LMX1A: variants seen among roughly 807,000 people sequenced by gnomAD.
LMX1A encodes the protein LIM homeobox transcription factor 1-alpha.
Under a neutral mutation model 49.1 loss-of-function variants are expected in LMX1A, and 15 were observed. The observed-to-expected ratio is 0.31, with a 90% CI of 0.20 to 0.47. The LOEUF is 0.47. LMX1A is among the 20% of genes least tolerant of loss of function. The pLI is 1.00. For synonymous variants in LMX1A, 167 were observed against 185.7 expected, an observed-to-expected ratio of 0.90 and a Z score of 0.82; for missense variants, 372 against 475.8, an observed-to-expected ratio of 0.78 and a Z score of 2.03.
intron 3 of LMX1A, among the ~76,000 whole-genome samples, chr1:165,271,436 A>G (rs1653790357): frequency 6.6e-6 from 1 of 152,192 alleles, no homozygotes; most frequent in Non-Finnish European, 1.5e-5. Context: ...TAGTTCTCCT[A>G]TTGGTTTAAG....
At chr1:165,263,234 A>G (rs541508471) in intron 3 of LMX1A, among the ~76,000 whole-genome samples, 1 of 152,270 alleles carries the variant, frequency 6.6e-6, no homozygotes, top group South Asian at 2.1e-4. Context: ...TTTGAATCTA[A>G]CTTGTATACC....
At chr1:165,255,967 C>T (rs546796313) in intron 3 of LMX1A, among the ~76,000 whole-genome samples, 158 of 151,074 alleles carry the variant, frequency 1.0e-3, no homozygotes, top group African/African-American at 3.6e-3. Context: ...AGCGAAACTC[C>T]GTCTCAAAAA....
chr1:165,274,425 C>T (rs972753148), intron 3 of LMX1A, among the ~76,000 whole-genome samples: 1 of 152,170 alleles, frequency 6.6e-6, no homozygotes, highest in Non-Finnish European at 1.5e-5. Context: ...ACAGTAGGTA[C>T]TTAATAAATG....
At chr1:165,256,593 C>T (rs1653248786) in intron 3 of LMX1A, among the ~76,000 whole-genome samples, 1 of 152,080 alleles carries the variant, frequency 6.6e-6, no homozygotes, top group African/African-American at 2.4e-5. Flanking sequence ...TATAAAACAG[C>T]TAAAGCCAAA....
chr1:165,304,067 G>T (rs1383093431), intron 3 of LMX1A, among the ~76,000 whole-genome samples: 3 of 152,110 alleles, frequency 2.0e-5, no homozygotes, highest in Non-Finnish European at 2.9e-5. Flanking sequence ...AGTTCTACTG[G>T]TTCTACTGAT....
At chr1:165,340,635 C>G (rs1189631625) in intron 3 of LMX1A, among the ~76,000 whole-genome samples, 1 of 152,182 alleles carries the variant, frequency 6.6e-6, no homozygotes, top group African/African-American at 2.4e-5. Context: ...GACAATGTAT[C>G]CCAAAGCTTT....
chr1:165,286,329 T>C lies in LMX1A; in HGVS notation c.264-36689A>G, dbSNP rs1342492785. Among the ~76,000 whole-genome samples the C allele has an allele frequency of 3.3e-5, 5 of 152,314 alleles. No individual in the cohort carries two copies. In the East Asian group the frequency reaches 9.7e-4, roughly 29 times the overall value. On this transcript the variant is annotated intron_variant, in intron 3 of 8. Coordinates refer to ENST00000342310, the MANE Select transcript of LMX1A (RefSeq NM_177398.4). ...TGGATCTGTGCAGGAAGTGCCCTGATAGACTGCAGAAATCCCACCTGAAAG... is the reference window on the plus strand; with the variant it reads ...TGGATCTGTGCAGGAAGTGCCCTGACAGACTGCAGAAATCCCACCTGAAAG...
At chr1:165,239,068 G>GAA (rs1372263538) in intron 4 of LMX1A, among the ~76,000 whole-genome samples, 192 of 1,210 alleles carry the variant, frequency 0.16, no homozygotes, top group Non-Finnish European at 0.2. Context: ...TCATCATCAT[G>GAA]AAAAAATCAT....
intron 3 of LMX1A, among the ~76,000 whole-genome samples, chr1:165,336,102 T>G (rs1557888564): frequency 6.6e-6 from 1 of 152,234 alleles, no homozygotes; most frequent in East Asian, 1.9e-4. Flanking sequence ...CTAAAACGTA[T>G]GTAAAGAGAT....
chr1:165,343,966 T>A (rs945823128), intron 3 of LMX1A, among the ~76,000 whole-genome samples: 3 of 152,218 alleles, frequency 2.0e-5, no homozygotes, highest in African/African-American at 7.2e-5. Context: ...CATAACATTC[T>A]CCCAATTTGA....
chr1:165,213,692 C>T lies in LMX1A; in HGVS notation c.618G>A (p.Gln206=). Residue 206 remains glutamine (Q), a synonymous_variant, in exon 5 of 9, where the codon CAG becomes CAA. Transcript: ENST00000342310. ...CAAATGAGGCCTTGAATGCTCGCCT[C>T]TGTTGAGTTGTCAAGATGGTTCTCG... is the stretch of plus-strand genomic sequence containing the variant. The part of the protein sequence containing the change: ...KRPRTILTTQ[Q]RRAFKASFEV... 6.2e-7 allele frequency: 1 copy of T among 1,614,254 alleles called. No homozygotes were observed. Among genetic ancestry groups the T allele is most frequent in the Non-Finnish European group, 8.5e-7 (1 of 1,180,038 alleles).
chr1:165,279,133 G>T (rs1188811602), intron 3 of LMX1A, among the ~76,000 whole-genome samples: 4 of 152,202 alleles, frequency 2.6e-5, no homozygotes, highest in Non-Finnish European at 5.9e-5. Flanking sequence ...ATGAGTTCCA[G>T]AATAGAATTA....
intron 3 of LMX1A, among the ~76,000 whole-genome samples, chr1:165,339,559 C>T (rs1049541524): frequency 2.0e-5 from 3 of 152,194 alleles, no homozygotes; most frequent in Non-Finnish European, 2.9e-5. Context: ...GTGGGAGCCT[C>T]GCTCTACTGC....
intron 3 of LMX1A, among the ~76,000 whole-genome samples, chr1:165,291,052 A>G (rs903961677): frequency 6.6e-6 from 1 of 152,248 alleles, no homozygotes; most frequent in African/African-American, 2.4e-5. Context: ...TACTGTTAAA[A>G]TGGTTAAAAA....
chr1:165,284,149 C>T (rs1461527381), intron 3 of LMX1A, among the ~76,000 whole-genome samples: 2 of 152,250 alleles, frequency 1.3e-5, no homozygotes, highest in African/African-American at 2.4e-5. Context: ...TCCTCTCTCA[C>T]CTGTACTCTT....
intron 4 of LMX1A, among the ~76,000 whole-genome samples, chr1:165,217,938 A>C (rs1651701674): frequency 6.6e-6 from 1 of 152,224 alleles, no homozygotes; most frequent in Non-Finnish European, 1.5e-5. Context: ...CTAGAGCTGG[A>C]GTCTACAGAC....
chr1:165,218,080 A>G (rs1345649755), intron 4 of LMX1A, among the ~76,000 whole-genome samples: 1 of 152,196 alleles, frequency 6.6e-6, no homozygotes, highest in African/African-American at 2.4e-5. Flanking sequence ...CTGTGTTCCA[A>G]TAAAATGTAT....
chr1:165,250,990 C>T (rs2102639270), intron 3 of LMX1A, among the ~76,000 whole-genome samples: 1 of 152,140 alleles, frequency 6.6e-6, no homozygotes, highest in South Asian at 2.1e-4. Context: ...AGGCAGGTAC[C>T]TCCAGAAAGG....
rs1219829029 is a variant in LMX1A at position 165,355,095 on chromosome 1, G to T, written c.76+389C>A. On this transcript the variant is annotated intron_variant, in intron 2 of 8. Coordinates refer to ENST00000342310, the MANE Select transcript of LMX1A (RefSeq NM_177398.4). The surrounding 1 kb of genome is among the most constrained non-coding windows in gnomAD (Gnocchi z 4.7). ...GAGAGAAGCCTCCTCGAACTTGGGC[G>T]CTCCAGGCCTCGGGTCTCGGATGCT... Among the ~76,000 whole-genome samples the T allele has an allele frequency of 1.3e-5, 2 of 152,182 alleles. No individual in the cohort carries two copies. Among genetic ancestry groups the T allele is most frequent in the Non-Finnish European group, 2.9e-5 (2 of 68,040 alleles).
Sources: gnomAD v4.1 joint callset for allele counts (sites outside exome capture counted in the v4.1 genomes callset) on GRCh38, gnomAD v4.1.1 for gene constraint, Gnocchi (gnomAD v3.1) non-coding constraint, MANE v1.5 for transcripts, NCBI Gene and HGNC (gene_info 2026-07-23, HGNC 2026-07-21) for gene names.